The following RABGAP1L variants were observed in gnomAD, a reference collection of about 807,000 sequenced individuals.
RABGAP1L encodes rab GTPase-activating protein 1-like.
RABGAP1L carries 63 observed loss-of-function variants against 137.7 expected under a neutral mutation model. The ratio of observed to expected loss-of-function variants is 0.46; its 90% CI spans 0.37 to 0.56. The LOEUF (loss-of-function observed/expected upper bound fraction) is 0.56, where lower values mean the gene tolerates loss of function less well. Among genes scored for constraint, RABGAP1L ranks in the 20% least tolerant of loss-of-function variants. RABGAP1L has a pLI of 0.00. For missense variants in RABGAP1L, 1,095 were observed against 1,244.0 expected (o/e 0.88, Z 1.80); for synonymous variants, 431 against 433.7 (o/e 0.99, Z 0.08).
intron 19 of RABGAP1L, among the ~76,000 whole-genome samples, chr1:174,878,534 A>G (rs1468075797): frequency 6.6e-6 from 1 of 152,140 alleles, no homozygotes; most frequent in African/African-American, 2.4e-5. Context: ...CCCCAAAATC[A>G]ACTTTTTAAC....
intron 13 of RABGAP1L, among the ~76,000 whole-genome samples, chr1:174,443,824 A>G (rs1228908323): frequency 2.0e-5 from 3 of 152,030 alleles, no homozygotes; most frequent in African/African-American, 7.2e-5. Flanking sequence ...TCTTACCTTT[A>G]AGTTTTTAAT....
At chr1:174,238,058 C>G (rs1003635276) in intron 4 of RABGAP1L, among the ~76,000 whole-genome samples, 2 of 152,044 alleles carry the variant, frequency 1.3e-5, no homozygotes, top group Non-Finnish European at 2.9e-5. Flanking sequence ...TCCAGTTGAT[C>G]GCATCGGCTC....
chr1:174,673,467 C>T (rs936792216), intron 14 of RABGAP1L, among the ~76,000 whole-genome samples: 8 of 151,958 alleles, frequency 5.3e-5, no homozygotes, highest in Admixed American at 2.6e-4. Context: ...AATAGATAAA[C>T]GCAGTGACCA....
At position 174,590,362 on chromosome 1, in the gene RABGAP1L, T is replaced by A. The variant is rs563332461; in HGVS notation, c.1711-47013T>A. On this transcript the variant is annotated intron_variant, in intron 13 of 25. Transcript: ENST00000681986. ...TTTTTTTTTTTATTTATTTTTTTTT[T>A]ATTATACTCTAAGTTTTAGGGTACA... 4.3e-3 allele frequency among the ~76,000 whole-genome samples: 628 copies of A among 146,652 alleles called. 5 individuals carry two copies. The highest frequency in any genetic ancestry group is 6.9e-3 in the Middle Eastern group (2 of 288).
chr1:174,310,084 A>G (rs1228310698), intron 11 of RABGAP1L, among the ~76,000 whole-genome samples: 1 of 152,042 alleles, frequency 6.6e-6, no homozygotes, highest in African/African-American at 2.4e-5. Flanking sequence ...TGATAATTCA[A>G]TCTTGGTAGG....
chr1:174,826,315 G>C (rs1364733996), intron 19 of RABGAP1L, among the ~76,000 whole-genome samples: 3 of 151,950 alleles, frequency 2.0e-5, no homozygotes, highest in Non-Finnish European at 4.4e-5. Flanking sequence ...CACGCCTCTC[G>C]GGTTCAAGTG....
chr1:174,938,746 T>C (rs1665322088), intron 19 of RABGAP1L, among the ~76,000 whole-genome samples: 1 of 152,224 alleles, frequency 6.6e-6, no homozygotes, highest in African/African-American at 2.4e-5. Flanking sequence ...AGCTGCAATC[T>C]GTTAGTGAGC....
At chr1:174,201,203 T>C (rs6681618) in intron 1 of RABGAP1L, among the ~76,000 whole-genome samples, 89,144 of 151,832 alleles carry the variant, frequency 0.59, 29,140 homozygotes, top group African/African-American at 0.9. Context: ...CAGTAATCCG[T>C]CGCAGGCTCC....
chr1:174,756,784 G>T, intron 18 of RABGAP1L: 1 of 469,760 alleles, frequency 2.1e-6, no homozygotes, highest in South Asian at 1.7e-5. Context: ...TGAGGACAGG[G>T]GAGGAGTCCC....
At chr1:174,282,998 A>G (rs1675711891) in intron 10 of RABGAP1L, among the ~76,000 whole-genome samples, 1 of 152,208 alleles carries the variant, frequency 6.6e-6, no homozygotes, top group Non-Finnish European at 1.5e-5. Context: ...TATATTATGT[A>G]TTAAAGTCTG....
chr1:174,723,371 G>A (rs1297284726), intron 17 of RABGAP1L, among the ~76,000 whole-genome samples: 1 of 152,150 alleles, frequency 6.6e-6, no homozygotes, highest in African/African-American at 2.4e-5. Flanking sequence ...CACTGTGCCC[G>A]TCCAAAATTT....
At chr1:174,648,649 T>C (rs1026956381) in intron 14 of RABGAP1L, among the ~76,000 whole-genome samples, 32 of 152,140 alleles carry the variant, frequency 2.1e-4, no homozygotes, top group South Asian at 1.2e-3. Flanking sequence ...ATAAGTGCGA[T>C]GTGGTGCTCA....
chr1:174,159,871 G>A (rs1664275640), intron 1 of RABGAP1L: 1 of 152,292 alleles, frequency 6.6e-6, no homozygotes, highest in Admixed American at 6.5e-5. Context: ...AGTTCTCCCA[G>A]GTGGCCGCTC....
intron 1 of RABGAP1L, among the ~76,000 whole-genome samples, chr1:174,182,495 A>G (rs1666458831): frequency 6.6e-6 from 1 of 152,208 alleles, no homozygotes; most frequent in Non-Finnish European, 1.5e-5. Flanking sequence ...AGGTTATTAA[A>G]CACTGGATCT....
intron 12 of RABGAP1L, among the ~76,000 whole-genome samples, chr1:174,385,626 G>C (rs1435048056): frequency 6.6e-6 from 1 of 152,166 alleles, no homozygotes; most frequent in Non-Finnish European, 1.5e-5. Flanking sequence ...TTTGGGAGTT[G>C]GACGTATGAG....
intron 14 of RABGAP1L, among the ~76,000 whole-genome samples, chr1:174,667,913 T>C (rs757291388): frequency 2.6e-5 from 4 of 152,176 alleles, no homozygotes; most frequent in East Asian, 3.9e-4. Flanking sequence ...GTGTTTGATA[T>C]ACGATAGGTG....
chr1:174,349,951 G>A (rs1682947620), intron 11 of RABGAP1L, among the ~76,000 whole-genome samples: 1 of 137,370 alleles, frequency 7.3e-6, no homozygotes, highest in Non-Finnish European at 1.6e-5. Flanking sequence ...CGGCTGGCCG[G>A]GTGGGGGGGC....
intron 17 of RABGAP1L, among the ~76,000 whole-genome samples, chr1:174,706,016 CT>C (rs748263804): frequency 6.6e-6 from 1 of 152,116 alleles, no homozygotes; most frequent in Non-Finnish European, 1.5e-5. Context: ...GTTTTACATT[CT>C]GATTTTTAAC....
chr1:174,968,990 G>C (rs776239853), intron 20 of RABGAP1L, among the ~76,000 whole-genome samples: 7 of 152,032 alleles, frequency 4.6e-5, no homozygotes, highest in Non-Finnish European at 8.8e-5. Flanking sequence ...TCACAGGATT[G>C]GGGGGGATAT....
Sources: gnomAD v4.1 joint callset for allele counts (sites outside exome capture counted in the v4.1 genomes callset) on GRCh38, gnomAD v4.1.1 for gene constraint, MANE v1.5 for transcripts, NCBI Gene and HGNC (gene_info 2026-07-23, HGNC 2026-07-21) for gene names.